The following VAC14 variants were observed in gnomAD, a reference collection of about 807,000 sequenced individuals.
The protein encoded by VAC14 is protein VAC14 homolog.
Under a neutral mutation model 85.3 loss-of-function variants are expected in VAC14, and 47 were observed. The observed-to-expected ratio is 0.55, with a 90% CI of 0.44 to 0.70. The LOEUF (loss-of-function observed/expected upper bound fraction) is 0.70, where lower values mean the gene tolerates loss of function less well. Among genes scored for constraint, VAC14 ranks in the 30% least tolerant of loss-of-function variants. VAC14 has a pLI of 0.00. For synonymous variants in VAC14, 447 were observed against 430.5 expected, an observed-to-expected ratio of 1.04 and a Z score of -0.47; for missense variants, 861 against 1,004.3, an observed-to-expected ratio of 0.86 and a Z score of 1.93.
chr16:70,791,492 C>T (rs1363731667), intron 1 of VAC14, among the ~76,000 whole-genome samples: 2 of 152,146 alleles, frequency 1.3e-5, no homozygotes, highest in Admixed American at 6.5e-5. Flanking sequence ...TCAAGCGATC[C>T]TCCTGCCTCA....
At chr16:70,695,695 C>T (rs867431910) in intron 16 of VAC14, 72 bp from the exon 17 acceptor site, 4 of 1,442,690 alleles carry the variant, frequency 2.8e-6, no homozygotes, top group Non-Finnish European at 3.9e-6. Flanking sequence ...ACACGCCCTC[C>T]CCCCCTGCAC....
intron 13 of VAC14, among the ~76,000 whole-genome samples, chr16:70,744,051 C>T (rs1027064089): frequency 1.3e-5 from 2 of 152,146 alleles, no homozygotes; most frequent in South Asian, 4.1e-4. Flanking sequence ...GGAATGGCCA[C>T]CTAGTCTTCC....
At chr16:70,697,066 G>C (rs746033374) in intron 16 of VAC14, 73 bp downstream of exon 16, 1 of 1,295,138 alleles carries the variant, frequency 7.7e-7, no homozygotes, top group Non-Finnish European at 1.1e-6. Flanking sequence ...CCGCCTGTTG[G>C]GTGGAAAGGG....
At chr16:70,750,235 T>C (rs2031269354) in intron 12 of VAC14, among the ~76,000 whole-genome samples, 1 of 152,198 alleles carries the variant, frequency 6.6e-6, no homozygotes. Context: ...GGGCCTGTAG[T>C]CCTGGCTCTG....
intron 13 of VAC14, among the ~76,000 whole-genome samples, chr16:70,732,675 G>C (rs537527371): frequency 6.6e-6 from 1 of 151,176 alleles, no homozygotes; most frequent in East Asian, 1.9e-4. Context: ...CTGAGTCTTG[G>C]TTTGTTGCCC....
intron 12 of VAC14, among the ~76,000 whole-genome samples, chr16:70,749,281 CACCTCAGT>C (rs2031182754): frequency 6.6e-6 from 1 of 152,236 alleles, no homozygotes; most frequent in South Asian, 2.1e-4. Flanking sequence ...GTGCTTAGCC[CACCTCAGT>C]ACTACTGCCT....
chr16:70,787,939 G>A (rs1039224652), intron 1 of VAC14, among the ~76,000 whole-genome samples: 8 of 152,232 alleles, frequency 5.3e-5, no homozygotes, highest in South Asian at 2.1e-4. Flanking sequence ...GACAGGAAGC[G>A]TGAGGGATGA....
At chr16:70,688,186 G>C in intron 18 of VAC14, 96 bp from the exon 19 acceptor site, 1 of 1,365,012 alleles carries the variant, frequency 7.3e-7, no homozygotes. Flanking sequence ...GCCACAGGCT[G>C]GTGGGCTCGG....
intron 10 of VAC14, among the ~76,000 whole-genome samples, chr16:70,765,556 C>T (rs894530657): frequency 6.6e-6 from 1 of 152,178 alleles, no homozygotes; most frequent in South Asian, 2.1e-4. Context: ...CTGAAGCACA[C>T]AGATAGGAAG....
At position 70,783,565 on chromosome 16, in the gene VAC14, G is replaced by C. The variant is rs368689010; in HGVS notation, c.595-11C>G. 7 of 1,612,660 alleles carry C rather than the reference G, an allele frequency of 4.3e-6. No homozygotes were observed. Among genetic ancestry groups the C allele is most frequent in the Middle Eastern group, 1.7e-4 (1 of 6,060 alleles). On this transcript the variant is annotated splice_polypyrimidine_tract_variant and intron_variant, in intron 5 of 18. Coordinates refer to ENST00000261776, the MANE Select transcript of VAC14 (RefSeq NM_018052.5). The stretch of plus-strand genomic sequence containing the variant: ...CTCCAGAACCAGGATCTGACCAGGG[G>C]AAGGGAACAGGAGGGGAAGTCAGCT...
chr16:70,732,165 T>C (rs1049322336), intron 13 of VAC14, among the ~76,000 whole-genome samples: 4 of 152,190 alleles, frequency 2.6e-5, no homozygotes, highest in African/African-American at 9.7e-5. Flanking sequence ...CCTTTCCTAA[T>C]CTGACCTGAG....
chr16:70,700,949 G>A (rs1350802811), intron 14 of VAC14, among the ~76,000 whole-genome samples: 1 of 152,234 alleles, frequency 6.6e-6, no homozygotes, highest in Admixed American at 6.5e-5. Context: ...GTGCCCATGT[G>A]AGGGCAGGCT....
chr16:70,777,613 G>C (rs1239999562), intron 9 of VAC14, among the ~76,000 whole-genome samples: 3 of 152,208 alleles, frequency 2.0e-5, no homozygotes, highest in African/African-American at 7.2e-5. Flanking sequence ...GGCAGGCCAA[G>C]GGGGAGTCGG....
At chr16:70,737,050 G>C (rs1385007872) in intron 13 of VAC14, among the ~76,000 whole-genome samples, 9 of 152,192 alleles carry the variant, frequency 5.9e-5, no homozygotes, top group Non-Finnish European at 1.3e-4. Context: ...TGCTCTCTGA[G>C]GCAGGGCTGC....
At chr16:70,792,458 C>T (rs895176808) in intron 1 of VAC14, among the ~76,000 whole-genome samples, 3 of 152,214 alleles carry the variant, frequency 2.0e-5, no homozygotes, top group African/African-American at 7.2e-5. Context: ...TCCACTTCTG[C>T]CTGGTTTCCT....
At chr16:70,747,504 G>GA (rs973238350) in intron 12 of VAC14, 1 of 129,324 alleles carries the variant, frequency 7.7e-6, no homozygotes, top group African/African-American at 3.7e-5. Flanking sequence ...TACAAAAAAA[G>GA]GGCGGGGGGG....
At chr16:70,697,118 C>G in intron 16 of VAC14, 21 bp downstream of exon 16, 2 of 1,603,086 alleles carry the variant, frequency 1.2e-6, no homozygotes, top group African/African-American at 2.7e-5. Context: ...TCAACCCCAA[C>G]CACAGTGAGA....
In VAC14 at chr16:70,762,757, C is replaced by T. The variant is rs112520514; in HGVS notation, c.1305+124G>A. ...TGAGGGCTCCTCGCAGCACCTGTCA[C>T]TTCTCTGCCGGCCAGGGTTTCCCTA... On this transcript the variant is annotated intron_variant, in intron 11 of 18. Coordinates refer to ENST00000261776, the MANE Select transcript of VAC14 (RefSeq NM_018052.5). This position sits in a 1 kb window ranked among gnomAD's most constrained non-coding sequence, Gnocchi z 4.1. The T allele has an allele frequency of 1.5e-4, 230 of 1,532,022 alleles. 2 individuals carry two copies. The African/African-American group carries it at 2.7e-3, about 18-fold the overall frequency. 94.9% of individuals were successfully genotyped at this position (1,532,022 alleles called of 1,614,324 possible).
chr16:70,768,183 G>A (rs530465161), intron 10 of VAC14, among the ~76,000 whole-genome samples: 136 of 152,322 alleles, frequency 8.9e-4, no homozygotes, highest in African/African-American at 3.1e-3. Flanking sequence ...ACTGTGCCTG[G>A]CTGTTCTTTA....
Sources: gnomAD v4.1 joint callset for allele counts (sites outside exome capture counted in the v4.1 genomes callset) on GRCh38, gnomAD v4.1.1 for gene constraint, Gnocchi (gnomAD v3.1) non-coding constraint, MANE v1.5 for transcripts, NCBI Gene and HGNC (gene_info 2026-07-23, HGNC 2026-07-21) for gene names.